The following CARMIL1 variants were observed in gnomAD, a reference collection of about 807,000 sequenced individuals.
CARMIL1 encodes the protein capping protein regulator and myosin 1 linker 1.
A neutral mutation model predicts 177.1 loss-of-function variants in CARMIL1; 90 were observed. That is an observed-to-expected ratio of 0.51 (90% CI 0.43 to 0.61). CARMIL1 has a LOEUF of 0.61. Among genes scored for constraint, CARMIL1 ranks in the 20% least tolerant of loss-of-function variants. The probability of loss-of-function intolerance (pLI) is 0.00; values close to 1 mark genes in which losing one functional copy is unlikely to be tolerated. For missense variants in CARMIL1, 1,380 were observed against 1,667.0 expected (o/e 0.83, Z 3.00); for synonymous variants, 577 against 606.2 (o/e 0.95, Z 0.71).
intron 2 of CARMIL1, among the ~76,000 whole-genome samples, chr6:25,293,645 G>GCGTTACATA (rs1782165238): frequency 6.6e-6 from 1 of 151,794 alleles, no homozygotes; most frequent in Non-Finnish European, 1.5e-5. Flanking sequence ...TCCCCAAGTA[G>GCGTTACATA]TGGGGTTACA....
intron 2 of CARMIL1, among the ~76,000 whole-genome samples, chr6:25,419,912 G>C (rs1221156269): frequency 1.3e-5 from 2 of 152,174 alleles, no homozygotes; most frequent in African/African-American, 4.8e-5. Flanking sequence ...TGTTCTAAAA[G>C]AACTTTGATA....
At chr6:25,518,365 A>T (rs577491195) in intron 22 of CARMIL1, among the ~76,000 whole-genome samples, 1 of 152,330 alleles carries the variant, frequency 6.6e-6, no homozygotes, top group South Asian at 2.1e-4. Flanking sequence ...TGAGAGGATT[A>T]GGATAAATGA....
chr6:25,350,523 T>G (rs576225530), intron 2 of CARMIL1: 2 of 152,204 alleles, frequency 1.3e-5, no homozygotes, highest in African/African-American at 4.8e-5. Flanking sequence ...ATTCTCGTTT[T>G]TGGGGCCCGC....
chr6:25,535,667 T>A (rs534918307), intron 24 of CARMIL1, among the ~76,000 whole-genome samples: 119 of 152,338 alleles, frequency 7.8e-4, no homozygotes, highest in Non-Finnish European at 1.6e-3. Context: ...CCCAAGAGAT[T>A]ATAGCCTTTC....
At position 25,520,307 on chromosome 6, in the gene CARMIL1, C is replaced by T. The variant is rs1465439370; in HGVS notation, c.1938C>T (p.Asn646=). 1 of 1,560,544 alleles carries T rather than the reference C, an allele frequency of 6.4e-7. No individual in the cohort carries two copies. Among genetic ancestry groups the T allele is most frequent in the Non-Finnish European group, 8.7e-7 (1 of 1,150,682 alleles). ...MYDASQALKT[N]PEKTEDALQK... ...ATGCTTCTCAAGCCCTAAAAACAAA[C>T]CCTGAAAAAACAGAAGACGCTCTGC... Residue 646 remains asparagine (N), a synonymous_variant, in exon 23 of 37, where the codon AAC becomes AAT. Transcript: ENST00000329474.
At chr6:25,417,922 A>G (rs1795501550) in intron 2 of CARMIL1, among the ~76,000 whole-genome samples, 2 of 152,198 alleles carry the variant, frequency 1.3e-5, no homozygotes, top group African/African-American at 4.8e-5. Context: ...CATGGCACAT[A>G]GAAAATGCTC....
chr6:25,397,034 A>G (rs562022459), intron 2 of CARMIL1, among the ~76,000 whole-genome samples: 1 of 152,284 alleles, frequency 6.6e-6, no homozygotes, highest in South Asian at 2.1e-4. Context: ...GGCATCAAGG[A>G]GGAGGTTGTC....
At chr6:25,382,657 G>C (rs1423763414) in intron 2 of CARMIL1, among the ~76,000 whole-genome samples, 1 of 152,082 alleles carries the variant, frequency 6.6e-6, no homozygotes, top group South Asian at 2.1e-4. Flanking sequence ...TGATTGGTGC[G>C]TTTTTACAGA....
At chr6:25,548,037 T>TCCA in intron 26 of CARMIL1, among the ~76,000 whole-genome samples, 1 of 152,084 alleles carries the variant, frequency 6.6e-6, no homozygotes, top group South Asian at 2.1e-4. Flanking sequence ...GTGCAAAGCA[T>TCCA]GGAAACAGAG....
intron 2 of CARMIL1, among the ~76,000 whole-genome samples, chr6:25,412,331 CA>C (rs1264767357): frequency 6.6e-6 from 1 of 152,210 alleles, no homozygotes; most frequent in Admixed American, 6.5e-5. Context: ...CCAATAATCC[CA>C]GTCCTTTGGG....
intron 36 of CARMIL1, among the ~76,000 whole-genome samples, chr6:25,614,842 T>C (rs1816773424): frequency 6.6e-6 from 1 of 152,200 alleles, no homozygotes; most frequent in Admixed American, 6.5e-5. Flanking sequence ...ATAACCCAAA[T>C]TATAGAAAAG....
At chr6:25,572,401 G>T (rs751633040) in intron 29 of CARMIL1, among the ~76,000 whole-genome samples, 7 of 152,032 alleles carry the variant, frequency 4.6e-5, no homozygotes, top group Non-Finnish European at 8.8e-5. Context: ...GTTGAAGGAG[G>T]TGGACATCAT....
In CARMIL1 at chr6:25,577,722, A is replaced by G. The variant is rs921566936; in HGVS notation, c.2743-3202A>G. ...AGTCTTTAACTTGTAGTAAAAGTAG[A>G]CATATCTCAATTGAGCTATGTGCAG... is the stretch of plus-strand genomic sequence containing the variant. On this transcript the variant is annotated intron_variant, in intron 29 of 36. Coordinates refer to ENST00000329474, the MANE Select transcript of CARMIL1 (RefSeq NM_017640.6). The surrounding 1 kb of genome is among the most constrained non-coding windows in gnomAD (Gnocchi z 4.5). 2.0e-5 allele frequency among the ~76,000 whole-genome samples: 3 copies of G among 151,854 alleles called. No individual in the cohort carries two copies. The highest frequency in any genetic ancestry group is 7.3e-5 in the African/African-American group (3 of 41,278).
intron 2 of CARMIL1, among the ~76,000 whole-genome samples, chr6:25,373,899 T>C (rs1383563506): frequency 2.0e-5 from 3 of 152,214 alleles, no homozygotes; most frequent in Non-Finnish European, 2.9e-5. Context: ...TCATTTCTAA[T>C]TGAGCTTACT....
intron 2 of CARMIL1, among the ~76,000 whole-genome samples, chr6:25,303,569 T>G (rs1312440247): frequency 6.6e-6 from 1 of 152,266 alleles, no homozygotes; most frequent in East Asian, 1.9e-4. Context: ...GTACATTTCT[T>G]GAAGCGCCAA....
At chr6:25,482,366 A>C in intron 12 of CARMIL1, 23 bp downstream of exon 12, 1 of 1,174,056 alleles carries the variant, frequency 8.5e-7, no homozygotes, top group Non-Finnish European at 1.2e-6. Flanking sequence ...TTATTTACCT[A>C]AGAGTGTGTC....
At chr6:25,508,929 G>C (rs1004768395) in intron 17 of CARMIL1, among the ~76,000 whole-genome samples, 1 of 152,094 alleles carries the variant, frequency 6.6e-6, no homozygotes, top group Non-Finnish European at 1.5e-5. Context: ...TGGTTTCATA[G>C]AAAAAGATGA....
intron 3 of CARMIL1, chr6:25,420,482 G>A (rs1795756242): frequency 4.1e-6 from 1 of 241,260 alleles, no homozygotes; most frequent in Non-Finnish European, 8.0e-6. Context: ...ATGTCCCTAA[G>A]GCTCCATGTC....
At chr6:25,517,288 A>C in intron 21 of CARMIL1, 59 bp from the exon 22 acceptor site, 1 of 1,298,540 alleles carries the variant, frequency 7.7e-7, no homozygotes. Context: ...GTTTATATTC[A>C]ATGTGAGAAT....
Sources: allele counts gnomAD v4.1 joint callset (sites outside exome capture counted in the v4.1 genomes callset), GRCh38; gene constraint gnomAD v4.1.1; non-coding constraint Gnocchi (gnomAD v3.1); transcripts MANE v1.5; gene names NCBI Gene and HGNC (gene_info 2026-07-23, HGNC 2026-07-21).